PLCD1: variants seen among roughly 807,000 people sequenced by gnomAD.
The protein encoded by PLCD1 is 1-phosphatidylinositol 4,5-bisphosphate phosphodiesterase delta-1.
PLCD1 carries 71 observed loss-of-function variants against 87.4 expected under a neutral mutation model. That is an observed-to-expected ratio of 0.81 (90% CI 0.67 to 0.99). PLCD1 has a LOEUF of 0.99. PLCD1 is among the 50% of genes least tolerant of loss of function. The probability of loss-of-function intolerance (pLI) is 0.00; values close to 1 mark genes in which losing one functional copy is unlikely to be tolerated. For synonymous variants in PLCD1, 348 were observed against 399.2 expected (o/e 0.87, Z 1.53); for missense variants, 867 against 1,001.5 (o/e 0.87, Z 1.81).
intron 3 of PLCD1, among the ~76,000 whole-genome samples, chr3:38,012,520 T>G (rs1219104625): frequency 6.6e-6 from 1 of 151,192 alleles, no homozygotes; most frequent in African/African-American, 2.4e-5. Context: ...AATGAAGTTT[T>G]TTTTTTTTTT....
rs772577105 is a variant in PLCD1, at chr3:38,008,113, C to G, written c.2086G>C (p.Asp696His). 7.4e-6 allele frequency: 12 copies of G among 1,614,132 alleles called. No individual in the cohort carries two copies. In the South Asian group the frequency reaches 1.1e-4, roughly 15 times the overall value. ...ACCAAGAAGCGGATGAGGGCAAGGT[C>G]AGGCACAACTACCTCAAACGCAAAC... Reference protein sequence around the residue: ...TEFAFEVVVPDLALIRFLVED... With the variant: ...TEFAFEVVVPHLALIRFLVED... The change falls in exon 14 of 15, where the codon GAC becomes CAC. Residue 696 changes from aspartate (D) to histidine (H), a missense_variant. By Grantham distance (81) the Asp-to-His change is moderately conservative. Transcript: ENST00000334661.
intron 1 of PLCD1, among the ~76,000 whole-genome samples, chr3:38,028,764 T>C (rs1700332672): frequency 6.6e-6 from 1 of 152,166 alleles, no homozygotes; most frequent in Admixed American, 6.5e-5. Context: ...GGCCTCCAGA[T>C]CTGCCTTCGG....
intron 1 of PLCD1, among the ~76,000 whole-genome samples, chr3:38,021,106 G>A (rs1328201581): frequency 6.6e-6 from 1 of 151,938 alleles, no homozygotes; most frequent in African/African-American, 2.4e-5. Flanking sequence ...TGGTTGCTGT[G>A]GGACCCCTAT....
rs1164711431 is a variant in PLCD1 at position 38,008,039 on chromosome 3, G to C, written c.2160C>G (p.Thr720=). The C allele has an allele frequency of 6.2e-7, 1 of 1,614,198 alleles. No homozygotes were observed. ...CTTGCTTGAGGCTGTTCAAGGGGAT[G>C]GTACTCTGGCCAATGAAGTCATTCT... ...SSKNDFIGQS[T]IPLNSLKQGY... The change falls in exon 14 of 15, where the codon ACC becomes ACG. Residue 720 remains threonine (T), a synonymous_variant. Coordinates refer to ENST00000334661, the MANE Select transcript of PLCD1 (RefSeq NM_006225.4).
intron 5 of PLCD1, 46 bp downstream of exon 5, chr3:38,011,168 G>T: frequency 1.4e-6 from 2 of 1,471,788 alleles, no homozygotes; most frequent in Non-Finnish European, 1.9e-6. Context: ...TCCCAGCCCA[G>T]TGCGGCCCTG....
chr3:38,007,673 G>A lies in PLCD1; in HGVS notation c.*100C>T. On this transcript the variant is annotated 3_prime_UTR_variant, in exon 15 of 15. Coordinates refer to ENST00000334661, the MANE Select transcript of PLCD1 (RefSeq NM_006225.4). The stretch of plus-strand genomic sequence containing the variant: ...GGGCTGAAGGCAATTTGGGGGCCTA[G>A]CTCTGAGCAAGAGGCTGGGAGCAGC... 1.1e-6 allele frequency: 1 copy of A among 919,410 alleles called. No individual in the cohort carries two copies. The allele number at this position is 919,410 out of a possible 1,614,324, so 57.0% of individuals were successfully genotyped here.
intron 9 of PLCD1, 79 bp from the exon 10 acceptor site, chr3:38,009,510 C>A: frequency 6.4e-7 from 1 of 1,570,032 alleles, no homozygotes; most frequent in Admixed American, 1.7e-5. Flanking sequence ...AACCCAGGCG[C>A]AGAGAGACAG....
chr3:38,008,417 G>C, intron 12 of PLCD1, 41 bp downstream of exon 12: 2 of 1,614,152 alleles, frequency 1.2e-6, no homozygotes, highest in South Asian at 1.1e-5. Flanking sequence ...TAGCGGGGAA[G>C]GGAGGTCCGT....
At position 38,018,641 on chromosome 3, in the gene PLCD1, G is replaced by A. The variant is rs148081324; in HGVS notation, c.199+1547C>T. Among the ~76,000 whole-genome samples the A allele has an allele frequency of 3.7e-4, 57 of 152,232 alleles. No individual in the cohort carries two copies. The highest frequency in any genetic ancestry group is 7.4e-4 in the Non-Finnish European group (50 of 68,012). ...ACACTGGGAGTCATCCATACGTATC[G>A]GTAGGTAGGTGGGCTCCAGGGAATC... On this transcript the variant is annotated intron_variant, in intron 2 of 14. Coordinates refer to ENST00000334661, the MANE Select transcript of PLCD1 (RefSeq NM_006225.4). This position sits in a 1 kb window ranked among gnomAD's most constrained non-coding sequence, Gnocchi z 5.7.
rs1700300040 is a variant in PLCD1, at chr3:38,025,516, G to C, written c.34+3990C>G. Among the ~76,000 whole-genome samples the C allele has an allele frequency of 6.6e-6, 1 of 152,126 alleles. No homozygotes were observed. The highest frequency in any genetic ancestry group is 1.5e-5 in the Non-Finnish European group (1 of 68,022). On this transcript the variant is annotated intron_variant, in intron 1 of 14. Coordinates refer to ENST00000334661, the MANE Select transcript of PLCD1 (RefSeq NM_006225.4). The surrounding 1 kb of genome is among the most constrained non-coding windows in gnomAD (Gnocchi z 4.0). ...ATTCATTGCGACTCAGCTTGCTGTT[G>C]CCTCATTTGTGAACCTCAGGTGGGC...
At chr3:38,009,572 G>C in intron 9 of PLCD1, 81 bp downstream of exon 9, 3 of 1,580,282 alleles carry the variant, frequency 1.9e-6, no homozygotes, top group South Asian at 1.1e-5. Flanking sequence ...CAGCCACAGA[G>C]AACTGAGACA....
Position 38,010,365 on chromosome 3 carries a change from T to C in PLCD1, c.988A>G (p.Ile330Val), listed in dbSNP as rs773661938. The change falls in exon 6 of 15, where the codon ATC (isoleucine) becomes GTC (valine). Residue 330 changes from isoleucine to valine, a missense_variant. By Grantham distance (29) the Ile-to-Val change is conservative. Coordinates refer to ENST00000334661, the MANE Select transcript of PLCD1 (RefSeq NM_006225.4). Reference protein sequence around the residue: ...LAGPSSTEAYIRALCKGCRCL... With the variant: ...LAGPSSTEAYVRALCKGCRCL... ...CCAAGGCTCCCTGAGCAGCACCGGA[T>C]GTAGGCTTCAGTGCTGCTGGGCCCG... The C allele has an allele frequency of 2.5e-6, 4 of 1,614,028 alleles. No homozygotes were observed. The South Asian group carries it at 4.4e-5, about 18-fold the overall frequency.
intron 1 of PLCD1, among the ~76,000 whole-genome samples, chr3:38,026,048 A>C (rs1559379053): frequency 6.6e-6 from 1 of 152,228 alleles, no homozygotes; most frequent in Non-Finnish European, 1.5e-5. Context: ...AAATATGAAC[A>C]CGGAAAAGCT....
intron 3 of PLCD1, chr3:38,014,725 GCATAAATCT>G (rs1173391257): frequency 6.5e-6 from 1 of 153,106 alleles, no homozygotes; most frequent in Non-Finnish European, 1.5e-5. Flanking sequence ...TTATTTGCAA[GCATAAATCT>G]CATAAAAGAC....
rs1408104776 is a variant in PLCD1 at position 38,025,156 on chromosome 3, C to A, written c.34+4350G>T. Among the ~76,000 whole-genome samples, 1 of 152,050 alleles carries A rather than the reference C, an allele frequency of 6.6e-6. No homozygotes were observed. On this transcript the variant is annotated intron_variant, in intron 1 of 14. Transcript: ENST00000334661. The surrounding 1 kb of genome is among the most constrained non-coding windows in gnomAD (Gnocchi z 4.0). The stretch of plus-strand genomic sequence containing the variant: ...GGGGGCGGGGCCAGGGCCCAGGAGG[C>A]GAGCCTGGGAGGATCCCGCACTGGA...
intron 1 of PLCD1, among the ~76,000 whole-genome samples, chr3:38,026,675 T>A (rs1335103689): frequency 6.6e-6 from 1 of 152,250 alleles, no homozygotes; most frequent in South Asian, 2.1e-4. Flanking sequence ...AGGGGCAGAC[T>A]GCTTTGGAAC....
intron 8 of PLCD1, 44 bp from the exon 9 acceptor site, chr3:38,009,855 G>A (rs370607867): frequency 1.7e-5 from 27 of 1,609,092 alleles, no homozygotes; most frequent in African/African-American, 1.6e-4. Flanking sequence ...CTAGCGCCCC[G>A]GCTAGGCTCC....
chr3:38,010,533 C>A lies in PLCD1; in HGVS notation c.820G>T (p.Gly274Cys). ...GCCGACAGTAAGTACATGAGGAAGC[C>A]GTCCTTGGTCATCTGCCGCTGCGCC... ...AKAQRQMTKD[G>C]FLMYLLSADG... The change falls in exon 6 of 15, where the codon GGC becomes TGC. Residue 274 changes from glycine to cysteine, a missense_variant. Physicochemically the swap from Gly to Cys is radical, Grantham distance 159. Coordinates refer to ENST00000334661, the MANE Select transcript of PLCD1 (RefSeq NM_006225.4). 6.2e-7 allele frequency: 1 copy of A among 1,614,026 alleles called. No homozygotes were observed. The highest frequency in any genetic ancestry group is 1.3e-5 in the African/African-American group (1 of 75,058).
Position 38,025,645 on chromosome 3 carries a change from C to T in PLCD1, c.34+3861G>A, listed in dbSNP as rs1212980813. Among the ~76,000 whole-genome samples the T allele has an allele frequency of 6.6e-6, 1 of 152,160 alleles. No homozygotes were observed. Among genetic ancestry groups the T allele is most frequent in the East Asian group, 1.9e-4 (1 of 5,200 alleles). On this transcript the variant is annotated intron_variant, in intron 1 of 14. Transcript: ENST00000334661. This position sits in a 1 kb window ranked among gnomAD's most constrained non-coding sequence, Gnocchi z 4.0. The stretch of plus-strand genomic sequence containing the variant: ...CTGATCTTAAAATAAGCCCATTAAC[C>T]CAGGGTGGCTTTCATAAATACATGA...
Sources: gnomAD v4.1 joint callset for allele counts (sites outside exome capture counted in the v4.1 genomes callset) on GRCh38, gnomAD v4.1.1 for gene constraint, Gnocchi (gnomAD v3.1) non-coding constraint, MANE v1.5 for transcripts, NCBI Gene and HGNC (gene_info 2026-07-23, HGNC 2026-07-21) for gene names.